The following WIPF3 variants were observed in gnomAD, a reference collection of about 807,000 sequenced individuals.
WIPF3 encodes WAS/WASL interacting protein family member 3.
A neutral mutation model predicts 38.9 loss-of-function variants in WIPF3; 33 were observed. The ratio of observed to expected loss-of-function variants is 0.85; its 90% CI spans 0.64 to 1.14. The LOEUF (loss-of-function observed/expected upper bound fraction) is 1.14. Ranked by LOEUF, WIPF3 falls within the 50% of genes most tolerant of loss-of-function variation. The pLI is 0.00. For synonymous variants in WIPF3, 324 were observed against 269.3 expected (o/e 1.20, Z -1.99); for missense variants, 711 against 652.5 (o/e 1.09, Z -0.98).
intron 1 of WIPF3, among the ~76,000 whole-genome samples, chr7:29,829,379 G>A (rs991515995): frequency 2.0e-5 from 3 of 151,924 alleles, no homozygotes; most frequent in African/African-American, 4.8e-5. Context: ...ACCACACCTG[G>A]CTAATTTTTT....
intron 2 of WIPF3, among the ~76,000 whole-genome samples, chr7:29,856,227 T>G (rs1386781688): frequency 1.3e-5 from 2 of 152,214 alleles, no homozygotes; most frequent in Non-Finnish European, 2.9e-5. Context: ...TATTCCCTAT[T>G]GTATATCTCC....
intron 7 of WIPF3, among the ~76,000 whole-genome samples, chr7:29,900,513 G>A (rs1045846167): frequency 1.1e-4 from 17 of 152,150 alleles, no homozygotes; most frequent in Non-Finnish European, 1.6e-4. Flanking sequence ...AGGAGGTTGA[G>A]GAAGGAGTGA....
intron 5 of WIPF3, among the ~76,000 whole-genome samples, chr7:29,885,269 G>A (rs546349950): frequency 6.6e-6 from 1 of 152,294 alleles, no homozygotes; most frequent in Admixed American, 6.5e-5. Flanking sequence ...GATCCCGCTA[G>A]TAGGAGGCTT....
chr7:29,865,362 A>T (rs1785367413), intron 2 of WIPF3, among the ~76,000 whole-genome samples: 1 of 152,176 alleles, frequency 6.6e-6, no homozygotes. Flanking sequence ...TAAATTGAAG[A>T]ACTGACCCCT....
At chr7:29,868,365 C>G (rs1332796979) in intron 2 of WIPF3, among the ~76,000 whole-genome samples, 1 of 151,944 alleles carries the variant, frequency 6.6e-6, no homozygotes, top group Non-Finnish European at 1.5e-5. Context: ...TTCCTTGATT[C>G]GGTAGAGATT....
At chr7:29,847,715 C>G (rs764340844) in intron 2 of WIPF3, among the ~76,000 whole-genome samples, 10 of 152,272 alleles carry the variant, frequency 6.6e-5, no homozygotes, top group Non-Finnish European at 1.5e-4. Flanking sequence ...GTCTTATGAC[C>G]TACAATCAAA....
Position 29,849,501 on chromosome 7 carries a change from C to T in WIPF3, c.90+14687C>T, listed in dbSNP as rs1305247066. On this transcript the variant is annotated intron_variant, in intron 2 of 8. Transcript: ENST00000242140. ...GGGCAATTATTAAATCAAAAGTTCC[C>T]AGTTGGCAACTCTTCTTGATGCCAA... Among the ~76,000 whole-genome samples the T allele has an allele frequency of 2.0e-5, 3 of 152,178 alleles. No individual in the cohort carries two copies. In the East Asian group the frequency reaches 5.8e-4, roughly 29 times the overall value.
chr7:29,888,148 C>A lies in WIPF3; in HGVS notation c.1180C>A (p.Gln394Lys). Residue 394 changes from glutamine to lysine, a missense_variant, in exon 6 of 9, where the codon CAG (glutamine) becomes AAG (lysine). Physicochemically the swap from Gln to Lys is moderately conservative, Grantham distance 53 (BLOSUM62 1). Coordinates refer to ENST00000242140, the MANE Select transcript of WIPF3 (RefSeq NM_001080529.3). ...PTTELSSKSQ[Q>K]ATAWTPTQQP... ...CACAGAGCTTTCAAGCAAGAGCCAGCAGGCCACAGCCTGGACCCCGACGCA... is the reference window on the plus strand; with the variant it reads ...CACAGAGCTTTCAAGCAAGAGCCAGAAGGCCACAGCCTGGACCCCGACGCA... 1 of 1,613,766 alleles carries A rather than the reference C, an allele frequency of 6.2e-7. No homozygotes were observed. The highest frequency in any genetic ancestry group is 8.5e-7 in the Non-Finnish European group (1 of 1,179,802).
intron 1 of WIPF3, among the ~76,000 whole-genome samples, chr7:29,827,482 T>A (rs536516985): frequency 6.6e-6 from 1 of 152,322 alleles, no homozygotes; most frequent in South Asian, 2.1e-4. Flanking sequence ...AACCCTTTAT[T>A]TGTTCCTTGT....
At chr7:29,901,851 AAAG>A (rs951886279) in intron 7 of WIPF3, among the ~76,000 whole-genome samples, 3 of 26,514 alleles carry the variant, frequency 1.1e-4, no homozygotes, top group African/African-American at 2.3e-4. Flanking sequence ...AAAAAAAAAG[AAAG>A]AAAGAAAGAA....
intron 1 of WIPF3, among the ~76,000 whole-genome samples, chr7:29,808,972 A>G (rs190763513): frequency 3.3e-4 from 50 of 152,374 alleles, no homozygotes; most frequent in African/African-American, 1.2e-3. Context: ...TCTAGAATTT[A>G]TAAATATGTT....
At chr7:29,857,392 C>A (rs1395596515) in intron 2 of WIPF3, among the ~76,000 whole-genome samples, 1 of 151,974 alleles carries the variant, frequency 6.6e-6, no homozygotes, top group Non-Finnish European at 1.5e-5. Flanking sequence ...TAGATTATGC[C>A]CCAACTCATT....
In WIPF3 at chr7:29,884,517, T is replaced by C; in HGVS notation, c.1023T>C (p.Gly341=). The C allele has an allele frequency of 1.5e-5, 23 of 1,578,286 alleles. No individual in the cohort carries two copies. Among genetic ancestry groups the C allele is most frequent in the Non-Finnish European group, 2.0e-5 (23 of 1,164,318 alleles). The change falls in exon 5 of 9, where the codon GGT becomes GGC. Residue 341 remains glycine, a synonymous_variant. Transcript: ENST00000242140. ...TCCAGGCCCCACCGCAGAAGGCCGGTGCGCAGGCCTTGCCCGCCCCGCCTG... is the reference window on the plus strand; with the variant it reads ...TCCAGGCCCCACCGCAGAAGGCCGGCGCGCAGGCCTTGCCCGCCCCGCCTG... ...PSFQAPPQKA[G]AQALPAPPAP...
intron 7 of WIPF3, 143 bp from the exon 8 acceptor site, chr7:29,904,143 G>T: frequency 1.5e-6 from 1 of 669,632 alleles, no homozygotes. Context: ...ATAGAAGATG[G>T]GAGTGGTGGA....
intron 7 of WIPF3, among the ~76,000 whole-genome samples, chr7:29,893,077 C>CG (rs1428488136): frequency 4.1e-5 from 6 of 146,290 alleles, no homozygotes; most frequent in Non-Finnish European, 9.1e-5. Context: ...AAACAAAAAA[C>CG]AAAAAAAAAA....
intron 7 of WIPF3, among the ~76,000 whole-genome samples, chr7:29,894,276 C>T (rs1786086648): frequency 2.0e-5 from 3 of 152,202 alleles, no homozygotes; most frequent in South Asian, 4.1e-4. Flanking sequence ...AGAAAAGCTA[C>T]ACCCCCTCAC....
intron 2 of WIPF3, among the ~76,000 whole-genome samples, chr7:29,853,366 A>G (rs923538803): frequency 1.3e-5 from 2 of 152,230 alleles, no homozygotes; most frequent in African/African-American, 4.8e-5. Flanking sequence ...GGAGACCCAC[A>G]GCATCTGCTA....
chr7:29,818,588 A>T (rs1358487805), intron 1 of WIPF3, among the ~76,000 whole-genome samples: 2 of 149,798 alleles, frequency 1.3e-5, no homozygotes, highest in African/African-American at 2.4e-5. Flanking sequence ...AATTAAGATA[A>T]TTTTTCCGTG....
At chr7:29,876,140 C>T (rs1235272390) in intron 3 of WIPF3, among the ~76,000 whole-genome samples, 178 bp downstream of exon 3, 17 of 152,272 alleles carry the variant, frequency 1.1e-4, no homozygotes, top group Admixed American at 1.1e-3. Flanking sequence ...CCCTCCAAAT[C>T]TGCAAATGGT....
Sources: gnomAD v4.1 joint callset for allele counts (sites outside exome capture counted in the v4.1 genomes callset) on GRCh38, gnomAD v4.1.1 for gene constraint, MANE v1.5 for transcripts, NCBI Gene and HGNC (gene_info 2026-07-23, HGNC 2026-07-21) for gene names.